The following MOSPD1 variants were observed in gnomAD, a reference collection of about 807,000 sequenced individuals.
The protein encoded by MOSPD1 is motile sperm domain-containing protein 1.
A neutral mutation model predicts 16.7 loss-of-function variants in MOSPD1; 5 were observed. That is an observed-to-expected ratio of 0.30 (90% CI 0.16 to 0.63). The LOEUF is 0.63. Ranked by LOEUF, MOSPD1 falls within the 30% of genes least tolerant of loss-of-function variation. The probability of loss-of-function intolerance (pLI) is 0.82; values close to 1 mark genes in which losing one functional copy is unlikely to be tolerated. For synonymous variants in MOSPD1, 67 were observed against 59.2 expected, an observed-to-expected ratio of 1.13 and a Z score of -0.61; for missense variants, 104 against 153.6, an observed-to-expected ratio of 0.68 and a Z score of 1.71.
At chrX:134,912,087 A>G (rs1422238594) in intron 1 of MOSPD1, among the ~76,000 whole-genome samples, 1 of 112,291 alleles carries the variant, frequency 8.9e-6, no homozygotes, top group Non-Finnish European at 1.9e-5. Context: ...TTTCGCTCTT[A>G]TTGCCCAGGC....
intron 1 of MOSPD1, among the ~76,000 whole-genome samples, chrX:134,902,925 C>T (rs1232212219): frequency 9.3e-6 from 1 of 107,467 alleles, no homozygotes; most frequent in East Asian, 2.8e-4. Flanking sequence ...TCTAATTTTG[C>T]ATTTTTATTT....
chrX:134,898,963 G>T, intron 3 of MOSPD1, 127 bp downstream of exon 3: 1 of 578,740 alleles, frequency 1.7e-6, no homozygotes, highest in Non-Finnish European at 2.7e-6. Flanking sequence ...CAAACTTTCG[G>T]CAAAAATTCA....
intron 3 of MOSPD1, among the ~76,000 whole-genome samples, chrX:134,897,565 A>AG (rs1479164102): frequency 2.7e-4 from 20 of 74,646 alleles, no homozygotes; most frequent in African/African-American, 1.3e-3. Flanking sequence ...AAAAAAAAAA[A>AG]AAAGAAAGAA....
chrX:134,910,573 G>C (rs964463268), intron 1 of MOSPD1, among the ~76,000 whole-genome samples: 1 of 111,842 alleles, frequency 8.9e-6, no homozygotes, highest in Non-Finnish European at 1.9e-5. Flanking sequence ...GATATGATGT[G>C]AGCAGTGTTA....
rs2082841171 is a variant in MOSPD1, at chrX:134,887,705, G to A, written c.*1456C>T. The A allele has an allele frequency of 8.8e-6, 1 of 113,306 alleles. No homozygotes were observed. 9.3% of individuals were successfully genotyped at this position (113,306 alleles called of 1,213,427 possible). A position where few individuals can be genotyped will look rare whatever the true frequency, so the allele number is the denominator to read the frequency against. ...AATGTGTTATTACACACACACATGT[G>A]CACTTGCACACACGTGCACACACAG... On this transcript the variant is annotated 3_prime_UTR_variant, in exon 6 of 6. Coordinates refer to ENST00000370783, the MANE Select transcript of MOSPD1 (RefSeq NM_019556.3).
intron 4 of MOSPD1, among the ~76,000 whole-genome samples, chrX:134,895,156 G>A (rs1037547684): frequency 9.1e-6 from 1 of 110,066 alleles, no homozygotes; most frequent in East Asian, 2.9e-4. Flanking sequence ...TAGGTAAGAC[G>A]AGCCTGGGCA....
intron 4 of MOSPD1, among the ~76,000 whole-genome samples, chrX:134,896,554 T>G (rs2082885527): frequency 9.0e-6 from 1 of 111,578 alleles, no homozygotes; most frequent in South Asian, 3.7e-4. Context: ...TATGTTTAAA[T>G]ACAGATATAT....
chrX:134,892,921 G>C (rs1478809944), intron 4 of MOSPD1, among the ~76,000 whole-genome samples: 1 of 111,094 alleles, frequency 9.0e-6, no homozygotes, highest in Non-Finnish European at 1.9e-5. Context: ...GATTAAAAAT[G>C]TTATCAGACC....
chrX:134,907,165 T>C (rs1356199184), intron 1 of MOSPD1, among the ~76,000 whole-genome samples: 4 of 109,888 alleles, frequency 3.6e-5, no homozygotes, highest in African/African-American at 1.3e-4. Flanking sequence ...GAGGTGGAGG[T>C]TGTATTGAGC....
intron 1 of MOSPD1, chrX:134,899,983 T>C (rs1357966069): frequency 9.0e-6 from 1 of 111,697 alleles, no homozygotes; most frequent in Admixed American, 9.6e-5. Flanking sequence ...CACTTAAACA[T>C]GGCTTTTGAC....
intron 1 of MOSPD1, among the ~76,000 whole-genome samples, chrX:134,906,174 C>CTTTTTTTTTTTT (rs765109385): frequency 1.4e-4 from 8 of 56,658 alleles, no homozygotes; most frequent in African/African-American, 2.7e-4. Flanking sequence ...CCATTTATCA[C>CTTTTTTTTTTTT]TTTTTTTTTT....
chrX:134,891,506 G>T lies in MOSPD1; in HGVS notation c.583C>A (p.Gln195Lys). ...VPLYLHLSVN[Q>K]KLVAAYILGL... ...AAGATATAAGCAGCCACTAATTTTT[G>T]ATTCACACTTAAGTGGAGGTAGAGA... Residue 195 changes from glutamine (Q) to lysine (K), a missense_variant, in exon 5 of 6, where the codon CAA (glutamine) becomes AAA (lysine). This residue lies in a region of MOSPD1 where 15 missense variants were observed against 27.9 expected (regional missense o/e 0.54). Coordinates refer to ENST00000370783, the MANE Select transcript of MOSPD1 (RefSeq NM_019556.3). The T allele has an allele frequency of 1.7e-6, 2 of 1,210,319 alleles. No individual in the cohort carries two copies. The highest frequency in any genetic ancestry group is 2.2e-6 in the Non-Finnish European group (2 of 895,124).
intron 1 of MOSPD1, among the ~76,000 whole-genome samples, chrX:134,903,337 A>G (rs758497227): frequency 8.9e-6 from 1 of 111,934 alleles, no homozygotes; most frequent in South Asian, 3.7e-4. Flanking sequence ...AGAAGAAACA[A>G]TGAGAAAAAC....
chrX:134,896,980 GA>G lies in MOSPD1; in HGVS notation c.284del (p.Phe95SerfsTer39). ...GGCTTTGCTCGGAAACTTGGAGACGGAATTTGTCTATTACACCATAGTGACA... is the reference window on the plus strand; with the variant it reads ...GGCTTTGCTCGGAAACTTGGAGACGGATTTGTCTATTACACCATAGTGACA... ...RSCHYGVIDKFRLQVSEQSQR... is the reference protein window; with the variant it reads ...RSCHYGVIDKXRLQVSEQSQR... On this transcript the variant is annotated frameshift_variant, in exon 4 of 6. Transcript: ENST00000370783. LOFTEE classifies it high-confidence loss of function. The G allele has an allele frequency of 8.3e-7, 1 of 1,210,790 alleles. No individual in the cohort carries two copies. The highest frequency in any genetic ancestry group is 1.1e-6 in the Non-Finnish European group (1 of 894,986).
chrX:134,892,304 C>A (rs775893954), intron 4 of MOSPD1, among the ~76,000 whole-genome samples: 1 of 112,285 alleles, frequency 8.9e-6, no homozygotes, highest in Non-Finnish European at 1.9e-5. Context: ...CTGGCAAATA[C>A]GCTAAGAGAA....
Position 134,899,398 on chromosome X carries a change from T to C in MOSPD1, c.36A>G (p.Glu12=), listed in dbSNP as rs2082901459. The C allele has an allele frequency of 8.4e-7, 1 of 1,192,209 alleles. No homozygotes were observed. Among genetic ancestry groups the C allele is most frequent in the East Asian group, 3.0e-5 (1 of 33,566 alleles). ...GGAACACGAAAACAGGAAGATTTCC[T>C]TCCACTAACTCTGGTTGTCTTTTTT... ...HQQKRQPELV[E]GNLPVFVFPT... The change falls in exon 2 of 6, where the codon GAA becomes GAG. Residue 12 remains glutamate (E), a synonymous_variant. Coordinates refer to ENST00000370783, the MANE Select transcript of MOSPD1 (RefSeq NM_019556.3).
At chrX:134,899,196 G>GTTT in intron 2 of MOSPD1, 31 bp from the exon 3 acceptor site, 2 of 889,945 alleles carry the variant, frequency 2.2e-6, no homozygotes, top group South Asian at 2.5e-5. Flanking sequence ...GGCCATTAGT[G>GTTT]TTTTTTTTTT....
chrX:134,910,120 A>T (rs974416513), intron 1 of MOSPD1, among the ~76,000 whole-genome samples: 1 of 111,648 alleles, frequency 9.0e-6, no homozygotes, highest in African/African-American at 3.3e-5. Context: ...TCACAAATTC[A>T]TGGCCGGGCG....
At chrX:134,908,371 T>TTC (rs1280036816) in intron 1 of MOSPD1, among the ~76,000 whole-genome samples, 3 of 111,814 alleles carry the variant, frequency 2.7e-5, no homozygotes, top group Non-Finnish European at 3.8e-5. Flanking sequence ...GAGCAGTAAA[T>TTC]CTTAAGTGGC....
Sources: allele counts gnomAD v4.1 joint callset (sites outside exome capture counted in the v4.1 genomes callset), GRCh38; gene constraint gnomAD v4.1.1; regional missense constraint gnomAD v4.1.1; transcripts MANE v1.5; gene names NCBI Gene and HGNC (gene_info 2026-07-23, HGNC 2026-07-21).